Variants in DPP6 observed in about 807,000 individuals in gnomAD.
DPP6 encodes A-type potassium channel modulatory protein DPP6.
In DPP6, 69 loss-of-function variants were observed where a neutral mutation model predicts 122.6. The observed-to-expected ratio is 0.56, with a 90% CI of 0.46 to 0.69. DPP6 has a LOEUF of 0.69. Among genes scored for constraint, DPP6 ranks in the 30% least tolerant of loss-of-function variants. The pLI is 0.00. For synonymous variants in DPP6, 418 were observed against 433.1 expected (o/e 0.97, Z 0.43); for missense variants, 928 against 1,116.9 (o/e 0.83, Z 2.41).
chr7:154,474,830 T>C, intron 2 of DPP6, 109 bp from the exon 3 acceptor site: 2 of 795,122 alleles, frequency 2.5e-6, no homozygotes, highest in Non-Finnish European at 4.1e-6. Flanking sequence ...ATGGACGTCA[T>C]GTGTGTTCCC....
chr7:154,046,699 G>GATAC (rs200090808), intron 1 of DPP6, among the ~76,000 whole-genome samples: 1,875 of 152,292 alleles, frequency 0.012, 36 homozygotes, highest in African/African-American at 0.043. Context: ...GAGATGGAAA[G>GATAC]ATACACTGGA....
intron 1 of DPP6, among the ~76,000 whole-genome samples, chr7:154,406,103 A>G (rs1816063599): frequency 6.6e-6 from 1 of 152,220 alleles, no homozygotes; most frequent in African/African-American, 2.4e-5. Flanking sequence ...TGTAAAGTCT[A>G]TGCAAAATCT....
At chr7:154,719,503 G>A (rs780704998) in intron 7 of DPP6, among the ~76,000 whole-genome samples, 90 of 152,136 alleles carry the variant, frequency 5.9e-4, no homozygotes, top group Non-Finnish European at 1.5e-4. Context: ...AGAAATCTGG[G>A]GTGTCAAGTA....
chr7:154,495,281 G>C, intron 3 of DPP6, among the ~76,000 whole-genome samples: 1 of 152,148 alleles, frequency 6.6e-6, no homozygotes, highest in East Asian at 1.9e-4. Flanking sequence ...GCCATGGTGG[G>C]CTCTGAGTGA....
intron 3 of DPP6, among the ~76,000 whole-genome samples, chr7:154,507,365 A>G (rs1332556928): frequency 6.6e-6 from 1 of 152,082 alleles, no homozygotes; most frequent in Admixed American, 6.6e-5. Flanking sequence ...GGTTTGCTGC[A>G]CCCATCAACC....
At chr7:154,035,313 C>T (rs1799463966) in intron 1 of DPP6, among the ~76,000 whole-genome samples, 2 of 152,110 alleles carry the variant, frequency 1.3e-5, no homozygotes, top group African/African-American at 2.4e-5. Flanking sequence ...ATAAGTAAAG[C>T]GAATAAGTTA....
At chr7:154,506,577 T>G (rs1169468490) in intron 3 of DPP6, among the ~76,000 whole-genome samples, 2 of 152,206 alleles carry the variant, frequency 1.3e-5, no homozygotes. Flanking sequence ...TTGGCTTATT[T>G]AGTATCAAAT....
intron 1 of DPP6, among the ~76,000 whole-genome samples, chr7:154,066,655 C>T (rs545818301): frequency 3.1e-3 from 471 of 151,156 alleles, no homozygotes; most frequent in African/African-American, 0.011. Context: ...AAGTGAGAGT[C>T]TCATGTAAAA....
At chr7:154,545,470 C>CCCTT (rs772501516) in intron 4 of DPP6, among the ~76,000 whole-genome samples, 130 of 124,368 alleles carry the variant, frequency 1.0e-3, no homozygotes, top group South Asian at 1.8e-3. Context: ...CTCCCTCCCT[C>CCCTT]CCTTCCTTCC....
At chr7:154,734,698 C>T (rs746813809) in intron 8 of DPP6, among the ~76,000 whole-genome samples, 1 of 152,176 alleles carries the variant, frequency 6.6e-6, no homozygotes, top group Non-Finnish European at 1.5e-5. Flanking sequence ...CTTGACAAAG[C>T]TCCTTTGTGG....
At chr7:154,176,869 C>A (rs1183162696) in intron 1 of DPP6, among the ~76,000 whole-genome samples, 1 of 151,908 alleles carries the variant, frequency 6.6e-6, no homozygotes, top group African/African-American at 2.4e-5. Context: ...TGAGACAGGG[C>A]CTCAGTCTGT....
intron 5 of DPP6, among the ~76,000 whole-genome samples, chr7:154,573,548 TC>T (rs1831265084): frequency 6.6e-6 from 1 of 152,172 alleles, no homozygotes; most frequent in African/African-American, 2.4e-5. Flanking sequence ...CGGGATGAAT[TC>T]CCGTGTCTCA....
the DPP6 span, among the ~76,000 whole-genome samples, chr7:153,840,488 T>TA: frequency 0.18 from 26,459 of 149,526 alleles, 2,410 homozygotes; most frequent in South Asian, 0.31. Context: ...AATAAAGAAT[T>TA]AAAAAAAAAA....
chr7:154,719,102 A>G (rs763397710), intron 7 of DPP6, among the ~76,000 whole-genome samples: 1 of 151,930 alleles, frequency 6.6e-6, no homozygotes, highest in African/African-American at 2.4e-5. Flanking sequence ...TGTGAATCAG[A>G]GAGTGGTAGC....
chr7:154,871,580 G>A (rs1804402051), intron 18 of DPP6, among the ~76,000 whole-genome samples: 1 of 152,222 alleles, frequency 6.6e-6, no homozygotes, highest in African/African-American at 2.4e-5. Context: ...GTCTGCCCTT[G>A]GGCTTATCAG....
intron 11 of DPP6, among the ~76,000 whole-genome samples, chr7:154,795,221 G>T (rs1024114843): frequency 6.6e-6 from 1 of 152,184 alleles, no homozygotes; most frequent in African/African-American, 2.4e-5. Flanking sequence ...CCATGACAGA[G>T]GCCTGCTCCA....
intron 7 of DPP6, among the ~76,000 whole-genome samples, chr7:154,722,002 CAA>C (rs34504657): frequency 6.0e-4 from 77 of 128,542 alleles, no homozygotes; most frequent in East Asian, 6.8e-4. Context: ...CCATCTCTAC[CAA>C]AAAAAAAAAA....
intron 1 of DPP6, among the ~76,000 whole-genome samples, chr7:154,256,998 C>CTTTTT (rs66710949): frequency 0.14 from 18,932 of 132,446 alleles, 1,805 homozygotes; most frequent in Non-Finnish European, 0.22. Flanking sequence ...TCTTCTTCTT[C>CTTTTT]TTTTTTTTTT....
chr7:154,773,202 G>C (rs1796352201), intron 10 of DPP6, among the ~76,000 whole-genome samples: 1 of 152,186 alleles, frequency 6.6e-6, no homozygotes, highest in African/African-American at 2.4e-5. Context: ...GGAGGGGCAT[G>C]GCTGGGCCCC....
Sources: gnomAD v4.1 joint callset for allele counts (sites outside exome capture counted in the v4.1 genomes callset) on GRCh38, gnomAD v4.1.1 for gene constraint, MANE v1.5 for transcripts, NCBI Gene and HGNC (gene_info 2026-07-23, HGNC 2026-07-21) for gene names.